The following INPP5D variants were observed in gnomAD, a reference collection of about 807,000 sequenced individuals.
The protein encoded by INPP5D is phosphatidylinositol 3,4,5-trisphosphate 5-phosphatase 1.
Under a neutral mutation model 122.9 loss-of-function variants are expected in INPP5D, and 33 were observed. The ratio of observed to expected loss-of-function variants is 0.27; its 90% CI spans 0.20 to 0.36. The LOEUF is 0.36. Among genes scored for constraint, INPP5D ranks in the 10% least tolerant of loss-of-function variants. The probability of loss-of-function intolerance (pLI) is 1.00; values close to 1 mark genes in which losing one functional copy is unlikely to be tolerated. For synonymous variants in INPP5D, 584 were observed against 576.2 expected (o/e 1.01, Z -0.19); for missense variants, 1,053 against 1,412.7 (o/e 0.75, Z 4.08).
intron 19 of INPP5D, among the ~76,000 whole-genome samples, chr2:233,182,930 A>T (rs898310624): frequency 1.3e-5 from 2 of 152,208 alleles, no homozygotes; most frequent in Non-Finnish European, 2.9e-5. Context: ...GATATACCTT[A>T]TTCAGCTACA....
chr2:233,186,578 G>GT (rs774796287), intron 21 of INPP5D, among the ~76,000 whole-genome samples: 5 of 151,176 alleles, frequency 3.3e-5, no homozygotes, highest in Non-Finnish European at 7.4e-5. Context: ...AAGGCAGGGG[G>GT]ATTGCTTGAG....
intron 18 of INPP5D, 82 bp from the exon 19 acceptor site, chr2:233,182,328 T>A: frequency 6.3e-7 from 1 of 1,578,210 alleles, no homozygotes; most frequent in Non-Finnish European, 8.6e-7. Flanking sequence ...CTAAAGTTTC[T>A]TTCTGCTTTA....
At position 233,078,211 on chromosome 2, in the gene INPP5D, C is replaced by T. The variant is rs1043080050; in HGVS notation, c.135-1124C>T. On this transcript the variant is annotated intron_variant, in intron 1 of 26. Transcript: ENST00000445964. This position sits in a 1 kb window ranked among gnomAD's most constrained non-coding sequence, Gnocchi z 4.6. Reference sequence around the variant, plus strand: ...TAGCTGCTGCCAGGGTTTCAGCAGGCTGAGGGCCACCGCAGTGTGCCCCTC... The same window carrying T: ...TAGCTGCTGCCAGGGTTTCAGCAGGTTGAGGGCCACCGCAGTGTGCCCCTC... Among the ~76,000 whole-genome samples the T allele has an allele frequency of 1.3e-5, 2 of 152,228 alleles. No individual in the cohort carries two copies. Among genetic ancestry groups the T allele is most frequent in the Non-Finnish European group, 2.9e-5 (2 of 68,032 alleles).
intron 2 of INPP5D, among the ~76,000 whole-genome samples, chr2:233,087,212 A>T (rs778817042): frequency 1.1e-3 from 174 of 152,212 alleles, no homozygotes; most frequent in Non-Finnish European, 2.0e-3. Flanking sequence ...GCCTCACTTG[A>T]TCACCCCAGA....
chr2:233,125,371 A>G (rs1268909693), intron 3 of INPP5D, among the ~76,000 whole-genome samples: 2 of 152,220 alleles, frequency 1.3e-5, no homozygotes, highest in African/African-American at 4.8e-5. Context: ...TGCCTAGCCC[A>G]GGGCTCAGCC....
chr2:233,065,951 TAAAATTATTATTA>T (rs1559269920), intron 1 of INPP5D, among the ~76,000 whole-genome samples: 2 of 150,402 alleles, frequency 1.3e-5, no homozygotes, highest in African/African-American at 5.0e-5. Flanking sequence ...GGCCTTTTTT[TAAAATTATTATTA>T]TTTTATTTTT....
intron 22 of INPP5D, among the ~76,000 whole-genome samples, chr2:233,191,771 A>G (rs1695062126): frequency 2.0e-5 from 3 of 152,266 alleles, no homozygotes; most frequent in Admixed American, 2.0e-4. Flanking sequence ...GGCAGAGGAG[A>G]ATGCGCCTGG....
Position 233,188,100 on chromosome 2 carries a change from A to G in INPP5D, c.2359-1750A>G, listed in dbSNP as rs979217616. Among the ~76,000 whole-genome samples the G allele has an allele frequency of 6.6e-6, 1 of 151,814 alleles. No individual in the cohort carries two copies. The highest frequency in any genetic ancestry group is 2.4e-5 in the African/African-American group (1 of 41,310). ...TCTTGCTGAGGCATCCTGAACGCTG[A>G]TGGATCTTTCTGGAATGCCTCTCTG... On this transcript the variant is annotated intron_variant, in intron 21 of 26. Coordinates refer to ENST00000445964, the MANE Select transcript of INPP5D (RefSeq NM_001017915.3). The surrounding 1 kb of genome is among the most constrained non-coding windows in gnomAD (Gnocchi z 4.7).
At chr2:233,168,005 CAAAAAAAAAAAA>C (rs58025565) in intron 13 of INPP5D, among the ~76,000 whole-genome samples, 1 of 72,712 alleles carries the variant, frequency 1.4e-5, no homozygotes, top group Non-Finnish European at 2.5e-5. Flanking sequence ...ACTCTGTCTC[CAAAAAAAAAAAA>C]AAAAAAAAGA....
intron 5 of INPP5D, among the ~76,000 whole-genome samples, chr2:233,137,458 T>A (rs1294876823): frequency 9.2e-5 from 12 of 130,156 alleles, no homozygotes; most frequent in Non-Finnish European, 2.1e-4. Flanking sequence ...TTAAACTTTT[T>A]TTTTTTTTTT....
Position 233,204,687 on chromosome 2 carries a change from A to C in INPP5D, c.3537A>C (p.Pro1179=), listed in dbSNP as rs1167462684. Residue 1179 remains proline (P), a synonymous_variant, in exon 26 of 27, where the codon CCA becomes CCC. Coordinates refer to ENST00000445964, the MANE Select transcript of INPP5D (RefSeq NM_001017915.3). ...HHGKHRPEEG[P]PGPLGRTAMQ ...GCAAGCACCGGCCGGAGGAGGGGCC[A>C]CCAGGGCCTCTAGGCAGGACTGCCA... The C allele has an allele frequency of 6.4e-7, 1 of 1,558,790 alleles. No individual in the cohort carries two copies. Among genetic ancestry groups the C allele is most frequent in the African/African-American group, 1.4e-5 (1 of 73,774 alleles).
rs1695442239 is a variant in INPP5D at position 233,204,689 on chromosome 2, C to T, written c.3539C>T (p.Pro1180Leu). Residue 1180 changes from proline to leucine, a missense_variant, in exon 26 of 27, where the codon CCA (proline) becomes CTA (leucine). Physicochemically the swap from Pro to Leu is moderately conservative, Grantham distance 98. Around this residue, in one of 6 missense-constraint regions of INPP5D, gnomAD observed 417 missense variants for 425.8 expected, o/e 0.98. Transcript: ENST00000445964. ...AAGCACCGGCCGGAGGAGGGGCCAC[C>T]AGGGCCTCTAGGCAGGACTGCCATG... ...HGKHRPEEGP[P>L]GPLGRTAMQ 1.3e-6 allele frequency: 2 copies of T among 1,557,356 alleles called. No homozygotes were observed. The highest frequency in any genetic ancestry group is 1.2e-5 in the South Asian group (1 of 84,072).
Position 233,170,146 on chromosome 2 carries a change from T to C in INPP5D, c.1773T>C (p.Arg591=). The change falls in exon 15 of 27, where the codon CGT becomes CGC. Residue 591 remains arginine, a synonymous_variant. Transcript: ENST00000445964. This position sits in a 1 kb window ranked among gnomAD's most constrained non-coding sequence, Gnocchi z 4.5. The part of the protein sequence containing the change: ...HLFWFGDLNY[R]VDLPTWEAET... Reference sequence around the variant, plus strand: ...TCTGGTTTGGGGATCTTAACTACCGTGTGGATCTGCCTACCTGGGTAAGGG... The same window carrying C: ...TCTGGTTTGGGGATCTTAACTACCGCGTGGATCTGCCTACCTGGGTAAGGG... 6.2e-7 allele frequency: 1 copy of C among 1,613,978 alleles called. No individual in the cohort carries two copies. Among genetic ancestry groups the C allele is most frequent in the Non-Finnish European group, 8.5e-7 (1 of 1,179,872 alleles).
At chr2:233,187,626 C>T (rs980104617) in intron 21 of INPP5D, among the ~76,000 whole-genome samples, 6 of 152,202 alleles carry the variant, frequency 3.9e-5, no homozygotes, top group Non-Finnish European at 8.8e-5. Context: ...ACTCCAGATT[C>T]CCCCAGCTGC....
At chr2:233,123,348 G>GGA (rs1693049288) in intron 3 of INPP5D, among the ~76,000 whole-genome samples, 1 of 152,204 alleles carries the variant, frequency 6.6e-6, no homozygotes, top group Non-Finnish European at 1.5e-5. Context: ...CAGCTACTTG[G>GGA]GAGGCTGAGG....
chr2:233,186,726 T>A (rs1397872744), intron 21 of INPP5D, among the ~76,000 whole-genome samples: 2 of 57,074 alleles, frequency 3.5e-5, no homozygotes, highest in African/African-American at 7.4e-5. Flanking sequence ...TTTTTTTTTT[T>A]TTTTTTTTTT....
chr2:233,137,867 T>TAC (rs1291328774), intron 5 of INPP5D, among the ~76,000 whole-genome samples: 7 of 29,740 alleles, frequency 2.4e-4, no homozygotes, highest in African/African-American at 5.9e-4. Flanking sequence ...TATATATATA[T>TAC]ATATATATAT....
At position 233,206,614 on chromosome 2, in the gene INPP5D, C is replaced by T. The variant is rs1270780103; in HGVS notation, c.3568-92C>T. The T allele has an allele frequency of 4.2e-6, 3 of 713,238 alleles. No homozygotes were observed. Among genetic ancestry groups the T allele is most frequent in the African/African-American group, 1.7e-5 (1 of 57,352 alleles). 44.2% of individuals were successfully genotyped at this position (713,238 alleles called of 1,614,324 possible). On this transcript the variant is annotated intron_variant, in intron 26 of 26. Transcript: ENST00000445964. The surrounding 1 kb of genome is among the most constrained non-coding windows in gnomAD (Gnocchi z 4.0). ...CAGCTACACGTTAAAGGAAGCCTGG[C>T]CTAGCCCACAGCATGCAGGGACCTG...
At chr2:233,143,813 A>T (rs1693677522) in intron 6 of INPP5D, among the ~76,000 whole-genome samples, 1 of 151,436 alleles carries the variant, frequency 6.6e-6, no homozygotes, top group Non-Finnish European at 1.5e-5. Context: ...AGGAGTGGAG[A>T]TGGTGGTGGT....
Sources: gnomAD v4.1 joint callset for allele counts (sites outside exome capture counted in the v4.1 genomes callset) on GRCh38, gnomAD v4.1.1 for gene constraint, gnomAD v4.1.1 regional missense constraint, Gnocchi (gnomAD v3.1) non-coding constraint, MANE v1.5 for transcripts, NCBI Gene and HGNC (gene_info 2026-07-23, HGNC 2026-07-21) for gene names.